Variants in NRK observed in about 807,000 individuals in gnomAD.
NRK encodes nik-related protein kinase.
Under a neutral mutation model 125.2 loss-of-function variants are expected in NRK, and 67 were observed. That is an observed-to-expected ratio of 0.54 (90% CI 0.44 to 0.66). The LOEUF (loss-of-function observed/expected upper bound fraction) is 0.66. Among genes scored for constraint, NRK ranks in the 30% least tolerant of loss-of-function variants. The pLI is 0.00. For missense variants in NRK, 1,224 were observed against 1,192.9 expected (o/e 1.03, Z -0.38); for synonymous variants, 458 against 429.0 (o/e 1.07, Z -0.84).
At chrX:105,837,713 A>G in intron 2 of NRK, among the ~76,000 whole-genome samples, 1 of 111,465 alleles carries the variant, frequency 9.0e-6, no homozygotes, top group Non-Finnish European at 1.9e-5. Context: ...GTTAGAGAAT[A>G]TAGTTTTCTC....
rs1465363655 is a variant in NRK, at chrX:105,908,887, T to G, written c.1246T>G (p.Phe416Val). The G allele has an allele frequency of 2.5e-6, 3 of 1,208,328 alleles. No homozygotes were observed. The East Asian group carries it at 8.9e-5, about 36-fold the overall frequency. The change falls in exon 13 of 29, where the codon TTC becomes GTC. Residue 416 changes from phenylalanine (F) to valine (V), a missense_variant. Coordinates refer to ENST00000243300, the MANE Select transcript of NRK (RefSeq NM_198465.4). ...LQQLQGAARV[F>V]MPLQALDSAP... ...GCAGCTACAGGGAGCAGCCAGGGTATTCATGCCACTGCAGGCTCTGGACAG... is the reference window on the plus strand; with the variant it reads ...GCAGCTACAGGGAGCAGCCAGGGTAGTCATGCCACTGCAGGCTCTGGACAG...
At chrX:105,853,638 A>G (rs1461588414) in intron 2 of NRK, among the ~76,000 whole-genome samples, 1 of 112,372 alleles carries the variant, frequency 8.9e-6, no homozygotes, top group Non-Finnish European at 1.9e-5. Flanking sequence ...ATCCCAGGAA[A>G]GGGCAAAATT....
intron 5 of NRK, among the ~76,000 whole-genome samples, chrX:105,890,184 T>C (rs1383525649): frequency 8.9e-6 from 1 of 111,782 alleles, no homozygotes; most frequent in Non-Finnish European, 1.9e-5. Context: ...CCAGTCTCTT[T>C]GCTTAAACAT....
At chrX:105,847,295 G>T (rs1189288562) in intron 2 of NRK, among the ~76,000 whole-genome samples, 1 of 111,751 alleles carries the variant, frequency 8.9e-6, no homozygotes, top group East Asian at 2.8e-4. Context: ...AAAACAGAGA[G>T]AATTAATGAA....
At chrX:105,879,677 G>A (rs895364053) in intron 2 of NRK, among the ~76,000 whole-genome samples, 23 of 111,322 alleles carry the variant, frequency 2.1e-4, no homozygotes, top group African/African-American at 7.5e-4. Context: ...GATCATTATG[G>A]AGATAATGCA....
intron 19 of NRK, among the ~76,000 whole-genome samples, chrX:105,925,751 A>G (rs2040515986): frequency 9.0e-6 from 1 of 111,555 alleles, no homozygotes; most frequent in Non-Finnish European, 1.9e-5. Flanking sequence ...GTCCAGGTTC[A>G]TCCATGTTGC....
chrX:105,938,073 A>G (rs192843531), intron 22 of NRK, among the ~76,000 whole-genome samples: 1 of 111,989 alleles, frequency 8.9e-6, no homozygotes, highest in East Asian at 2.8e-4. Flanking sequence ...TCCAAATAGT[A>G]GTTAAATTTC....
chrX:105,943,075 T>C (rs1483986038), intron 23 of NRK, among the ~76,000 whole-genome samples: 1 of 112,289 alleles, frequency 8.9e-6, no homozygotes, highest in East Asian at 2.8e-4. Flanking sequence ...TTTCTTGCCT[T>C]ATATTTGGGT....
intron 2 of NRK, among the ~76,000 whole-genome samples, chrX:105,832,761 C>T (rs2039210964): frequency 9.0e-6 from 1 of 111,177 alleles, no homozygotes; most frequent in African/African-American, 3.3e-5. Context: ...CTGTGGCTCA[C>T]TCCTGTAATC....
At chrX:105,872,933 C>T (rs1473545750) in intron 2 of NRK, among the ~76,000 whole-genome samples, 1 of 110,656 alleles carries the variant, frequency 9.0e-6, no homozygotes, top group Non-Finnish European at 1.9e-5. Context: ...TCGCATTCTC[C>T]GTGGCCTCGA....
intron 2 of NRK, among the ~76,000 whole-genome samples, chrX:105,871,641 AC>A (rs896824994): frequency 3.3e-4 from 37 of 111,190 alleles, no homozygotes; most frequent in Non-Finnish European, 6.2e-4. Flanking sequence ...GAGGAAAGTT[AC>A]CCTTAGGGAG....
chrX:105,836,311 C>A (rs939641850), intron 2 of NRK, among the ~76,000 whole-genome samples: 4 of 111,911 alleles, frequency 3.6e-5, no homozygotes, highest in African/African-American at 1.3e-4. Context: ...GCTAGATCCT[C>A]CTGTACACAT....
chrX:105,826,363 ATATAT>A (rs1331554836), intron 1 of NRK, among the ~76,000 whole-genome samples: 91 of 80,375 alleles, frequency 1.1e-3, no homozygotes, highest in Admixed American at 4.7e-3. Context: ...ATTATATATA[ATATAT>A]TATATATATT....
intron 16 of NRK, among the ~76,000 whole-genome samples, chrX:105,919,002 G>GAA (rs57376881): frequency 4.1e-4 from 16 of 39,476 alleles, no homozygotes; most frequent in African/African-American, 8.1e-4. Flanking sequence ...ATGGTTTCCT[G>GAA]AAAAAAAAAA....
intron 4 of NRK, among the ~76,000 whole-genome samples, chrX:105,884,983 G>T (rs1025332973): frequency 2.7e-5 from 3 of 110,882 alleles, no homozygotes; most frequent in Admixed American, 9.6e-5. Context: ...TAGAGATGGG[G>T]TTCCACCATT....
chrX:105,948,476 C>T (rs192925577), intron 26 of NRK: 73 of 346,463 alleles, frequency 2.1e-4, no homozygotes, highest in Middle Eastern at 1.5e-3. Context: ...ACCATGTGTG[C>T]TAAAGAATAT....
chrX:105,901,634 G>A (rs1045317752), intron 9 of NRK, among the ~76,000 whole-genome samples: 2 of 111,341 alleles, frequency 1.8e-5, no homozygotes, highest in Admixed American at 1.9e-4. Context: ...TCAAGAAATA[G>A]AAATAATGGT....
chrX:105,848,584 A>G (rs1433519704), intron 2 of NRK, among the ~76,000 whole-genome samples: 1 of 112,197 alleles, frequency 8.9e-6, no homozygotes, highest in Non-Finnish European at 1.9e-5. Context: ...TATTCAATTT[A>G]AGTTAAGGAG....
intron 23 of NRK, among the ~76,000 whole-genome samples, chrX:105,941,677 C>G (rs1449420905): frequency 9.1e-6 from 1 of 109,560 alleles, no homozygotes; most frequent in Admixed American, 9.8e-5. Context: ...ACAACATATT[C>G]CATAAGAACC....
Sources: allele counts gnomAD v4.1 joint callset (sites outside exome capture counted in the v4.1 genomes callset), GRCh38; gene constraint gnomAD v4.1.1; transcripts MANE v1.5; gene names NCBI Gene and HGNC (gene_info 2026-07-23, HGNC 2026-07-21).